GALNT18: variants seen among roughly 807,000 people sequenced by gnomAD.
GALNT18 encodes the protein polypeptide N-acetylgalactosaminyltransferase 18.
GALNT18 carries 44 observed loss-of-function variants against 69.5 expected under a neutral mutation model. The ratio of observed to expected loss-of-function variants is 0.63; its 90% CI spans 0.50 to 0.81. The LOEUF (loss-of-function observed/expected upper bound fraction) is 0.81, where lower values mean the gene tolerates loss of function less well. Among genes scored for constraint, GALNT18 ranks in the 40% least tolerant of loss-of-function variants. The pLI, the probability that GALNT18 is intolerant of heterozygous loss-of-function variation, is 0.00. For synonymous variants in GALNT18, 364 were observed against 318.2 expected (o/e 1.14, Z -1.53); for missense variants, 715 against 810.0 (o/e 0.88, Z 1.42).
At chr11:11,381,447 C>T (rs1298654067) in intron 3 of GALNT18, among the ~76,000 whole-genome samples, 1 of 152,126 alleles carries the variant, frequency 6.6e-6, no homozygotes, top group Non-Finnish European at 1.5e-5. Context: ...CCAGTTGACT[C>T]CTGCCAATAC....
chr11:11,335,818 C>A (rs1444165147), intron 7 of GALNT18, among the ~76,000 whole-genome samples: 3 of 152,088 alleles, frequency 2.0e-5, no homozygotes, highest in Non-Finnish European at 4.4e-5. Context: ...ACCAGGGACC[C>A]CCTCAGGGCC....
At chr11:11,388,252 T>A (rs1386054493) in intron 3 of GALNT18, among the ~76,000 whole-genome samples, 1 of 152,160 alleles carries the variant, frequency 6.6e-6, no homozygotes, top group Non-Finnish European at 1.5e-5. Context: ...ACAAGGAATA[T>A]GCACCCCATA....
intron 6 of GALNT18, among the ~76,000 whole-genome samples, chr11:11,344,542 G>T (rs1254825188): frequency 6.6e-6 from 1 of 152,222 alleles, no homozygotes; most frequent in African/African-American, 2.4e-5. Flanking sequence ...TGGGTTCCAG[G>T]GGAGGTGGGG....
At position 11,432,881 on chromosome 11, in the gene GALNT18, G is replaced by A. The variant is rs1392618234; in HGVS notation, c.429-94C>T. ...ATGTCCTGGCTCCAGCTTTGCTGGA[G>A]GGCTCGGGAGTCCAGATTCTTCCAA... On this transcript the variant is annotated intron_variant, in intron 2 of 10. Transcript: ENST00000227756. The surrounding 1 kb of genome is among the most constrained non-coding windows in gnomAD (Gnocchi z 5.8). 3 of 1,255,692 alleles carry A rather than the reference G, an allele frequency of 2.4e-6. No individual in the cohort carries two copies. The highest frequency in any genetic ancestry group is 1.5e-5 in the South Asian group (1 of 68,766). The allele number at this position is 1,255,692 out of a possible 1,614,324, so 77.8% of individuals were successfully genotyped here.
At position 11,309,200 on chromosome 11, in the gene GALNT18, G is replaced by A. The variant is rs935401062; in HGVS notation, c.1513-16007C>T. Reference sequence around the variant, plus strand: ...TCTTTCTACACTTCCACCATGGGATGACACCACAAGAAGGCCCTCACCGGA... The same window carrying A: ...TCTTTCTACACTTCCACCATGGGATAACACCACAAGAAGGCCCTCACCGGA... On this transcript the variant is annotated intron_variant, in intron 9 of 10. Transcript: ENST00000227756. This position sits in a 1 kb window ranked among gnomAD's most constrained non-coding sequence, Gnocchi z 4.6. Among the ~76,000 whole-genome samples, 1 of 152,164 alleles carries A rather than the reference G, an allele frequency of 6.6e-6. No individual in the cohort carries two copies. Among genetic ancestry groups the A allele is most frequent in the Non-Finnish European group, 1.5e-5 (1 of 68,040 alleles).
At chr11:11,525,936 G>A (rs185433308) in intron 1 of GALNT18, among the ~76,000 whole-genome samples, 15 of 152,198 alleles carry the variant, frequency 9.9e-5, no homozygotes, top group African/African-American at 3.1e-4. Context: ...GCCCGGCCAC[G>A]CATATCACAT....
chr11:11,383,924 T>G lies in GALNT18; in HGVS notation c.596-4660A>C, dbSNP rs1156842959. Among the ~76,000 whole-genome samples the G allele has an allele frequency of 2.0e-5, 3 of 152,132 alleles. No homozygotes were observed. The highest frequency in any genetic ancestry group is 2.9e-5 in the Non-Finnish European group (2 of 68,020). On this transcript the variant is annotated intron_variant, in intron 3 of 10. Transcript: ENST00000227756. The surrounding 1 kb of genome is among the most constrained non-coding windows in gnomAD (Gnocchi z 5.2). ...CCTTCTGCCATAATTGTAAGTTTCC[T>G]GAGGCCTCCGCAGCCATGTGGAACT...
chr11:11,602,248 A>T lies in GALNT18; in HGVS notation c.235+19111T>A, dbSNP rs1403591729. 6.6e-6 allele frequency among the ~76,000 whole-genome samples: 1 copy of T among 152,134 alleles called. No individual in the cohort carries two copies. Among genetic ancestry groups the T allele is most frequent in the Non-Finnish European group, 1.5e-5 (1 of 68,022 alleles). ...ATCTTCTTGAATTGTCTCTCCTGTT[A>T]TGAAACCTCCACCCTACATGTGAGC... On this transcript the variant is annotated intron_variant, in intron 1 of 10. Transcript: ENST00000227756. The surrounding 1 kb of genome is among the most constrained non-coding windows in gnomAD (Gnocchi z 4.7).
intron 9 of GALNT18, among the ~76,000 whole-genome samples, chr11:11,300,028 G>C (rs961796211): frequency 6.6e-6 from 1 of 152,244 alleles, no homozygotes; most frequent in Non-Finnish European, 1.5e-5. Context: ...TGGGCAGAGG[G>C]AGAGTCAAGG....
At chr11:11,384,464 C>A (rs1449489161) in intron 3 of GALNT18, among the ~76,000 whole-genome samples, 1 of 152,116 alleles carries the variant, frequency 6.6e-6, no homozygotes, top group Non-Finnish European at 1.5e-5. Flanking sequence ...CTTCAAGAAT[C>A]CTCTTTTTAA....
chr11:11,280,571 G>T (rs1270502468), intron 10 of GALNT18, among the ~76,000 whole-genome samples: 1 of 152,180 alleles, frequency 6.6e-6, no homozygotes, highest in African/African-American at 2.4e-5. Context: ...CAGGAGAGGT[G>T]AGGCCTGCGT....
intron 1 of GALNT18, among the ~76,000 whole-genome samples, chr11:11,453,643 A>G (rs778183568): frequency 2.0e-5 from 3 of 152,182 alleles, no homozygotes; most frequent in Non-Finnish European, 2.9e-5. Flanking sequence ...TAACTGAATC[A>G]TGGGGGCAAG....
chr11:11,519,872 G>A (rs756052497), intron 1 of GALNT18, among the ~76,000 whole-genome samples: 4 of 152,232 alleles, frequency 2.6e-5, no homozygotes, highest in Non-Finnish European at 5.9e-5. Flanking sequence ...TGTGGGTAAC[G>A]ATGGGCCATG....
chr11:11,372,696 C>T lies in GALNT18; in HGVS notation c.978-67G>A. ...TGTCCGAGGAGTAAGAGCAGTAAGG[C>T]CTTCCTATCAGGAGGGTCTGGTTCT... On this transcript the variant is annotated intron_variant, in intron 5 of 10. Transcript: ENST00000227756. The surrounding 1 kb of genome is among the most constrained non-coding windows in gnomAD (Gnocchi z 4.9). 8.1e-7 allele frequency: 1 copy of T among 1,228,818 alleles called. No homozygotes were observed. Among genetic ancestry groups the T allele is most frequent in the South Asian group, 1.2e-5 (1 of 81,430 alleles). 76.1% of individuals were successfully genotyped at this position (1,228,818 alleles called of 1,614,324 possible).
intron 6 of GALNT18, among the ~76,000 whole-genome samples, chr11:11,344,371 C>T (rs568748188): frequency 5.9e-5 from 9 of 152,340 alleles, no homozygotes; most frequent in East Asian, 1.9e-4. Context: ...CACCCCCTTC[C>T]GCTAGGTTTA....
Position 11,498,386 on chromosome 11 carries a change from G to A in GALNT18, c.236-49450C>T, listed in dbSNP as rs187673039. On this transcript the variant is annotated intron_variant, in intron 1 of 10. Transcript: ENST00000227756. ...CATTCACCCAAGTGCAGAGGAAATG[G>A]GGGCACTCAAAGAAATACTATGGGT... Among the ~76,000 whole-genome samples the A allele has an allele frequency of 1.1e-3, 162 of 152,290 alleles. 4 individuals are homozygous for A. The highest frequency in any genetic ancestry group is 0.01 in the Admixed American group (159 of 15,294).
At chr11:11,326,578 C>G (rs546309214) in intron 9 of GALNT18, among the ~76,000 whole-genome samples, 4 of 152,246 alleles carry the variant, frequency 2.6e-5, no homozygotes, top group African/African-American at 7.2e-5. Context: ...GCCCTTCATT[C>G]TCCACCAGAA....
intron 1 of GALNT18, among the ~76,000 whole-genome samples, chr11:11,457,135 C>T (rs985725804): frequency 6.6e-6 from 1 of 152,250 alleles, no homozygotes; most frequent in African/African-American, 2.4e-5. Context: ...AAGGGTTCTG[C>T]TTCAGTGGGC....
At chr11:11,379,016 G>T in intron 4 of GALNT18, 65 bp downstream of exon 4, 5 of 1,392,116 alleles carry the variant, frequency 3.6e-6, no homozygotes, top group South Asian at 2.9e-5. Context: ...AGCATGCTTT[G>T]CACTATTGGA....
Sources: gnomAD v4.1 joint callset for allele counts (sites outside exome capture counted in the v4.1 genomes callset) on GRCh38, gnomAD v4.1.1 for gene constraint, Gnocchi (gnomAD v3.1) non-coding constraint, MANE v1.5 for transcripts, NCBI Gene and HGNC (gene_info 2026-07-23, HGNC 2026-07-21) for gene names.